The following FBN2 variants were observed in gnomAD, a reference collection of about 807,000 sequenced individuals.
FBN2 encodes the protein fibrillin-2.
A neutral mutation model predicts 355.6 loss-of-function variants in FBN2; 105 were observed. The ratio of observed to expected loss-of-function variants is 0.30; its 90% CI spans 0.25 to 0.35. The LOEUF is 0.35. Ranked by LOEUF, FBN2 falls within the 10% of genes least tolerant of loss-of-function variation. FBN2 has a pLI of 1.00. For missense variants in FBN2, 3,280 were observed against 3,758.7 expected, an observed-to-expected ratio of 0.87 and a Z score of 3.33; for synonymous variants, 1,350 against 1,301.2, an observed-to-expected ratio of 1.04 and a Z score of -0.81.
chr5:128,338,892 G>A, intron 26 of FBN2, 41 bp downstream of exon 26: 1 of 1,609,602 alleles, frequency 6.2e-7, no homozygotes, highest in Non-Finnish European at 8.5e-7. Flanking sequence ...GTCTGTGCTA[G>A]TATGGTTTCA....
At chr5:128,372,619 G>T (rs991022651) in intron 15 of FBN2, among the ~76,000 whole-genome samples, 1 of 152,068 alleles carries the variant, frequency 6.6e-6, no homozygotes, top group East Asian at 1.9e-4. Flanking sequence ...AGCCTCCCAA[G>T]TAGCTGGAAT....
intron 20 of FBN2, among the ~76,000 whole-genome samples, chr5:128,351,260 A>G (rs1751355572): frequency 1.3e-5 from 2 of 151,064 alleles, no homozygotes; most frequent in South Asian, 4.2e-4. Context: ...AAGTTTTAAT[A>G]GTGGGGCTGG....
chr5:128,406,442 C>T (rs1485718617), intron 8 of FBN2, among the ~76,000 whole-genome samples: 1 of 152,100 alleles, frequency 6.6e-6, no homozygotes. Flanking sequence ...CTTTCCTTTC[C>T]TTGCTAAGTA....
chr5:128,345,469 G>C lies in FBN2; in HGVS notation c.3105C>G (p.Thr1035=). ...CAGGTTTGGGGCACTCCTCACACTC[G>C]GTGCCCCAAGCCGCCCCGACAGCAC... The part of the protein sequence containing the change: ...CCCAVGAAWG[T]ECEECPKPGT... The change falls in exon 24 of 65, where the codon ACC becomes ACG. Residue 1035 remains threonine (T), a synonymous_variant. Transcript: ENST00000262464. 6.2e-7 allele frequency: 1 copy of C among 1,614,042 alleles called. No homozygotes were observed.
chr5:128,487,872 C>A (rs1214214697), intron 5 of FBN2, among the ~76,000 whole-genome samples: 1 of 152,028 alleles, frequency 6.6e-6, no homozygotes, highest in African/African-American at 2.4e-5. Context: ...ACATCATAAC[C>A]CCTTATGTCC....
chr5:128,305,797 T>TAA, intron 43 of FBN2, 26 bp downstream of exon 43: 1 of 1,613,284 alleles, frequency 6.2e-7, no homozygotes, highest in Non-Finnish European at 8.5e-7. Flanking sequence ...TTATACTGGA[T>TAA]AAAGGACATA....
At chr5:128,369,786 C>T (rs1384274158) in intron 15 of FBN2, among the ~76,000 whole-genome samples, 1 of 152,184 alleles carries the variant, frequency 6.6e-6, no homozygotes, top group Non-Finnish European at 1.5e-5. Flanking sequence ...AGATTTCTTA[C>T]TCCCACTTTC....
In FBN2 at chr5:128,259,550, CCTT is replaced by C. The variant is rs1372300289; in HGVS notation, c.8641_8643del (p.Lys2881del). 1.4e-5 allele frequency: 23 copies of C among 1,613,934 alleles called. 1 individual carries two copies. Among genetic ancestry groups the C allele is most frequent in the South Asian group, 7.7e-5 (7 of 91,070 alleles). ...TTGCTCTCTTCCAGTTTCTTAAGCTCCTTCTTCTTGTAGAGAGGGATGCTAGTG... is the reference window on the plus strand; with the variant it reads ...TTGCTCTCTTCCAGTTTCTTAAGCTCCTTCTTGTAGAGAGGGATGCTAGTG... On this transcript the variant is annotated inframe_deletion, in exon 65 of 65. Coordinates refer to ENST00000262464, the MANE Select transcript of FBN2 (RefSeq NM_001999.4).
At chr5:128,273,345 TG>T (rs1303323578) in intron 61 of FBN2, among the ~76,000 whole-genome samples, 2 of 152,208 alleles carry the variant, frequency 1.3e-5, no homozygotes, top group African/African-American at 4.8e-5. Flanking sequence ...CAAGGTCCAC[TG>T]TAAGAAAGTG....
chr5:128,281,817 C>A (rs1765555885), intron 55 of FBN2, among the ~76,000 whole-genome samples: 1 of 152,118 alleles, frequency 6.6e-6, no homozygotes, highest in Non-Finnish European at 1.5e-5. Flanking sequence ...TCCTGAGTAG[C>A]TGGGACTACA....
intron 5 of FBN2, among the ~76,000 whole-genome samples, chr5:128,497,797 T>A (rs1397629294): frequency 6.6e-6 from 1 of 152,202 alleles, no homozygotes; most frequent in African/African-American, 2.4e-5. Flanking sequence ...AGAGTTTGTT[T>A]CATAATTCTA....
At chr5:128,431,881 C>T (rs1008096608) in intron 7 of FBN2, among the ~76,000 whole-genome samples, 3 of 152,154 alleles carry the variant, frequency 2.0e-5, no homozygotes, top group Non-Finnish European at 4.4e-5. Context: ...GATGTTATTA[C>T]CTTACTGAGA....
intron 62 of FBN2, among the ~76,000 whole-genome samples, chr5:128,267,329 A>ATATCCTGTGGAATGATC (rs1765142773): frequency 1.3e-5 from 2 of 152,178 alleles, no homozygotes; most frequent in African/African-American, 4.8e-5. Flanking sequence ...TCCTGTGGGT[A>ATATCCTGTGGAATGATC]TATATCCAGT....
intron 7 of FBN2, among the ~76,000 whole-genome samples, chr5:128,413,888 C>T (rs1050972289): frequency 6.6e-6 from 1 of 152,068 alleles, no homozygotes; most frequent in Non-Finnish European, 1.5e-5. Flanking sequence ...AAAAAGTAAG[C>T]ATATTTTTGC....
intron 56 of FBN2, 124 bp from the exon 57 acceptor site, chr5:128,278,965 A>T (rs1000375780): frequency 1.5e-5 from 12 of 790,874 alleles, no homozygotes; most frequent in Middle Eastern, 3.5e-4. Context: ...TTAATGTCTT[A>T]ATTATTTAAG....
At chr5:128,418,413 A>G (rs1030013323) in intron 7 of FBN2, among the ~76,000 whole-genome samples, 3 of 151,842 alleles carry the variant, frequency 2.0e-5, no homozygotes, top group African/African-American at 7.3e-5. Flanking sequence ...TTGCTTTTCT[A>G]GTTCCTTGAG....
At chr5:128,353,542 C>G (rs978765880) in intron 20 of FBN2, among the ~76,000 whole-genome samples, 1 of 152,156 alleles carries the variant, frequency 6.6e-6, no homozygotes, top group Non-Finnish European at 1.5e-5. Flanking sequence ...ACAGAGGAAA[C>G]AGAGATGTTT....
chr5:128,348,966 C>T (rs1397560933), intron 23 of FBN2, among the ~76,000 whole-genome samples: 2 of 152,098 alleles, frequency 1.3e-5, no homozygotes, highest in Non-Finnish European at 2.9e-5. Context: ...TGACTTTCCC[C>T]ACTGTCTTCA....
chr5:128,537,880 C>T lies in FBN2; in HGVS notation c.-277G>A. ...GCCCCGAGCGGTACACGTTGCATAA[C>T]CGGCCTAAAGCCCCGAGCGACTCCA... On this transcript the variant is annotated 5_prime_UTR_variant, in exon 1 of 65. Transcript: ENST00000262464. 1 of 559,846 alleles carries T rather than the reference C, an allele frequency of 1.8e-6. No homozygotes were observed. Among genetic ancestry groups the T allele is most frequent in the Non-Finnish European group, 3.2e-6 (1 of 315,348 alleles). 34.7% of individuals were successfully genotyped at this position (559,846 alleles called of 1,614,324 possible). A position where few individuals can be genotyped will look rare whatever the true frequency, so the allele number is the denominator to read the frequency against.
Sources: allele counts gnomAD v4.1 joint callset (sites outside exome capture counted in the v4.1 genomes callset), GRCh38; gene constraint gnomAD v4.1.1; transcripts MANE v1.5; gene names NCBI Gene and HGNC (gene_info 2026-07-23, HGNC 2026-07-21).